The following ZNF561 variants were observed in gnomAD, a reference collection of about 807,000 sequenced individuals.
ZNF561 encodes zinc finger protein 561.
Under a neutral mutation model 16.7 loss-of-function variants are expected in ZNF561, and 16 were observed. That is an observed-to-expected ratio of 0.96 (90% CI 0.65 to 1.45). The LOEUF is 1.45. ZNF561 is among the 40% of genes most tolerant of loss of function. The pLI, the probability that ZNF561 is intolerant of heterozygous loss-of-function variation, is 0.00. For missense variants in ZNF561, 580 were observed against 578.0 expected, an observed-to-expected ratio of 1.00 and a Z score of -0.04; for synonymous variants, 190 against 192.1, an observed-to-expected ratio of 0.99 and a Z score of 0.09.
At chr19:9,617,827 C>T in intron 3 of ZNF561, 1 of 526,254 alleles carries the variant, frequency 1.9e-6, no homozygotes. Flanking sequence ...TCCGTCACCG[C>T]ACCCAGCAAT....
chr19:9,611,089 A>G lies in ZNF561; in HGVS notation c.572T>C (p.Leu191Pro). ...TPGLAVHLEV[L>P]NARQPYKCKE... ...ACATTTGTAGGGTTGTCTTGCATTG[A>G]GAACTTCAAGATGTACAGCAAGACC... The change falls in exon 6 of 6, where the codon CTC becomes CCC. Residue 191 changes from leucine to proline, a missense_variant. Coordinates refer to ENST00000302851, the MANE Select transcript of ZNF561 (RefSeq NM_152289.3). The G allele has an allele frequency of 6.2e-7, 1 of 1,614,184 alleles. No homozygotes were observed. The highest frequency in any genetic ancestry group is 8.5e-7 in the Non-Finnish European group (1 of 1,180,012).
In ZNF561 at chr19:9,619,921, C is replaced by CTATCTATCTATCTATCTAT. The variant is rs1555692401; in HGVS notation, c.-126-340_-126-339insATAGATAGATAGATAGATA. Among the ~76,000 whole-genome samples, 10 of 116,142 alleles carry CTATCTATCTATCTATCTAT rather than the reference C, an allele frequency of 8.6e-5. 1 individual carries two copies. Among genetic ancestry groups the CTATCTATCTATCTATCTAT allele is most frequent in the Admixed American group, 2.5e-4 (3 of 11,780 alleles). The allele number at this position is 116,142 out of a possible 152,430, so 76.2% of individuals were successfully genotyped here. On this transcript the variant is annotated intron_variant, in intron 1 of 5. Transcript: ENST00000302851. Reference sequence around the variant, plus strand: ...TCTATATCTATCTATCTATATCTATCCTATCTATCTATCTATCTATCTATC... The same window carrying CTATCTATCTATCTATCTAT: ...TCTATATCTATCTATCTATATCTATCTATCTATCTATCTATCTATCTATCTATCTATCTATCTATCTATC...
intron 1 of ZNF561, among the ~76,000 whole-genome samples, chr19:9,620,546 G>GA (rs1436148886): frequency 4.6e-5 from 7 of 151,872 alleles, no homozygotes; most frequent in African/African-American, 1.5e-4. Context: ...ATTTAATACT[G>GA]AAAAAAACCT....
chr19:9,610,246 G>A lies in ZNF561; in HGVS notation c.1415C>T (p.Thr472Ile). The A allele has an allele frequency of 6.2e-7, 1 of 1,612,426 alleles. No homozygotes were observed. The highest frequency in any genetic ancestry group is 8.5e-7 in the Non-Finnish European group (1 of 1,179,038). ...SRLSRHERIH[T>I]GEKPYECKDM... Reference sequence around the variant, plus strand: ...CTTGCATTCATAGGGTTTCTCCCCAGTGTGAATTCTTTCATGTCTACTTAG... The same window carrying A: ...CTTGCATTCATAGGGTTTCTCCCCAATGTGAATTCTTTCATGTCTACTTAG... Residue 472 changes from threonine (T) to isoleucine (I), a missense_variant, in exon 6 of 6, where the codon ACT becomes ATT. Physicochemically the swap from Thr to Ile is moderately conservative, Grantham distance 89. Coordinates refer to ENST00000302851, the MANE Select transcript of ZNF561 (RefSeq NM_152289.3).
At position 9,607,758 on chromosome 19, in the gene ZNF561, T is replaced by G. The variant is rs746550504; in HGVS notation, c.*2442A>C. 5.9e-5 allele frequency: 9 copies of G among 152,200 alleles called. No individual in the cohort carries two copies. Among genetic ancestry groups the G allele is most frequent in the African/African-American group, 1.2e-4 (5 of 41,460 alleles). The allele number at this position is 152,200 out of a possible 1,614,324, so 9.4% of individuals were successfully genotyped here. A position where few individuals can be genotyped will look rare whatever the true frequency, so the allele number is the denominator to read the frequency against. On this transcript the variant is annotated 3_prime_UTR_variant, in exon 6 of 6. Coordinates refer to ENST00000302851, the MANE Select transcript of ZNF561 (RefSeq NM_152289.3). ...AGTCATTATTTACAGATTATGTGATTGTCTATGTGGAAACGGAAAAGAATC... is the reference window on the plus strand; with the variant it reads ...AGTCATTATTTACAGATTATGTGATGGTCTATGTGGAAACGGAAAAGAATC...
rs1277547215 is a variant in ZNF561, at chr19:9,609,329, C to T, written c.*871G>A. The T allele has an allele frequency of 6.6e-6, 1 of 152,154 alleles. No individual in the cohort carries two copies. The highest frequency in any genetic ancestry group is 1.5e-5 in the Non-Finnish European group (1 of 68,032). The allele number at this position is 152,154 out of a possible 1,614,324, so 9.4% of individuals were successfully genotyped here. A position where few individuals can be genotyped will look rare whatever the true frequency, so the allele number is the denominator to read the frequency against. ...TATTTCTGTGTCTTTGTCTTAATTC[C>T]TCTAGAGCTGCTGGGTCAGGGTCTC... On this transcript the variant is annotated 3_prime_UTR_variant, in exon 6 of 6. Transcript: ENST00000302851.
intron 2 of ZNF561, 150 bp downstream of exon 2, chr19:9,619,282 T>A (rs1023155900): frequency 6.0e-6 from 3 of 496,962 alleles, no homozygotes; most frequent in Admixed American, 6.9e-5. Flanking sequence ...AATAAATAAA[T>A]AATAAAACAG....
chr19:9,620,483 C>T (rs192591612), intron 1 of ZNF561, among the ~76,000 whole-genome samples: 24 of 152,270 alleles, frequency 1.6e-4, no homozygotes, highest in Middle Eastern at 3.4e-3. Context: ...GACTTGGCCT[C>T]CCAAAGTGCT....
Position 9,609,631 on chromosome 19 carries a change from T to G in ZNF561, c.*569A>C, listed in dbSNP as rs1284566757. ...CTAGAAGAGACATTGCCACTTACAT[T>G]GTGCCATCTAAAATAGACATACAAG... is the stretch of plus-strand genomic sequence containing the variant. On this transcript the variant is annotated 3_prime_UTR_variant, in exon 6 of 6. Transcript: ENST00000302851. 2 of 152,930 alleles carry G rather than the reference T, an allele frequency of 1.3e-5. No homozygotes were observed. Among genetic ancestry groups the G allele is most frequent in the Non-Finnish European group, 2.9e-5 (2 of 68,576 alleles). The allele number at this position is 152,930 out of a possible 1,614,324, so 9.5% of individuals were successfully genotyped here.
At chr19:9,614,395 G>C (rs533218676) in intron 4 of ZNF561, 16 of 288,386 alleles carry the variant, frequency 5.5e-5, no homozygotes, top group African/African-American at 2.6e-4. Context: ...GATCACTTGA[G>C]GTCAGGAGTT....
chr19:9,610,032 G>C lies in ZNF561; in HGVS notation c.*168C>G. 1 of 625,414 alleles carries C rather than the reference G, an allele frequency of 1.6e-6. No homozygotes were observed. Among genetic ancestry groups the C allele is most frequent in the South Asian group, 2.4e-5 (1 of 41,632 alleles). 38.7% of individuals were successfully genotyped at this position (625,414 alleles called of 1,614,324 possible). On this transcript the variant is annotated 3_prime_UTR_variant, in exon 6 of 6. Transcript: ENST00000302851. ...CATGACCCTTCTTCACAGATGCCCA[G>C]ACTCAGGCAACCATGATGTTGTATT...
At position 9,611,002 on chromosome 19, in the gene ZNF561, G is replaced by T. The variant is rs760478679; in HGVS notation, c.659C>A (p.Thr220Asn). ...ASLDNHMGIHTDEKLCEFQEY... is the reference protein window; with the variant it reads ...ASLDNHMGIHNDEKLCEFQEY... ...CTGAAATTCACAGAGTTTCTCATCA[G>T]TGTGGATTCCCATATGATTATCAAG... Residue 220 changes from threonine (T) to asparagine (N), a missense_variant, in exon 6 of 6, where the codon ACT becomes AAT. Transcript: ENST00000302851. 5.0e-6 allele frequency: 8 copies of T among 1,614,008 alleles called. No homozygotes were observed. The Admixed American group carries it at 1.3e-4, about 27-fold the overall frequency.
Position 9,612,225 on chromosome 19 carries a change from A to C in ZNF561, c.325-889T>G, listed in dbSNP as rs986013283. ...TTACAGGGGTGAGCCACCATGCCCCACCTCAGTTTATTTATTTTTGAGATG... is the reference window on the plus strand; with the variant it reads ...TTACAGGGGTGAGCCACCATGCCCCCCCTCAGTTTATTTATTTTTGAGATG... On this transcript the variant is annotated intron_variant, in intron 5 of 5. Transcript: ENST00000302851. 2.7e-5 allele frequency among the ~76,000 whole-genome samples: 4 copies of C among 149,054 alleles called. No individual in the cohort carries two copies. In the South Asian group the frequency reaches 6.4e-4, roughly 24 times the overall value.
At chr19:9,616,151 A>T (rs1423669625) in intron 4 of ZNF561, among the ~76,000 whole-genome samples, 1 of 152,236 alleles carries the variant, frequency 6.6e-6, no homozygotes, top group Non-Finnish European at 1.5e-5. Flanking sequence ...ATTAAAACAT[A>T]CTACAGCAGG....
Position 9,617,135 on chromosome 19 carries a change from T to C in ZNF561, c.151A>G (p.Thr51Ala). The change falls in exon 4 of 6, where the codon ACC (threonine) becomes GCC (alanine). Residue 51 changes from threonine to alanine, a missense_variant. Physicochemically the swap from Thr to Ala is moderately conservative, Grantham distance 58. Transcript: ENST00000302851. Reference protein sequence around the residue: ...VTFDDVAVDFTPEEWALLDTT... With the variant: ...VTFDDVAVDFAPEEWALLDTT... Reference sequence around the variant, plus strand: ...TCCAGTAAAGCCCACTCCTCTGGGGTGAAGTCCACAGCCACATCATCAAAC... The same window carrying C: ...TCCAGTAAAGCCCACTCCTCTGGGGCGAAGTCCACAGCCACATCATCAAAC... 1 of 1,612,852 alleles carries C rather than the reference T, an allele frequency of 6.2e-7. No homozygotes were observed. Among genetic ancestry groups the C allele is most frequent in the South Asian group, 1.1e-5 (1 of 90,870 alleles).
Position 9,617,054 on chromosome 19 carries a change from C to A in ZNF561, c.232G>T (p.Ala78Ser), listed in dbSNP as rs748294529. ...DVMLENYMNL[A>S]SVEWEIQPRT... ...GTGATGTTACTCTTACCCACAGAGG[C>A]CAGGTTCATGTAGTTCTCCAGCATC... Residue 78 changes from alanine (A) to serine (S), a missense_variant, in exon 4 of 6, where the codon GCC becomes TCC. Coordinates refer to ENST00000302851, the MANE Select transcript of ZNF561 (RefSeq NM_152289.3). 6.2e-7 allele frequency: 1 copy of A among 1,611,582 alleles called. No homozygotes were observed. The highest frequency in any genetic ancestry group is 8.5e-7 in the Non-Finnish European group (1 of 1,178,394).
chr19:9,613,796 T>C (rs1201050516), intron 5 of ZNF561, among the ~76,000 whole-genome samples: 1 of 152,146 alleles, frequency 6.6e-6, no homozygotes, highest in African/African-American at 2.4e-5. Flanking sequence ...GGATTACAGG[T>C]GTGAGTCACC....
At position 9,610,357 on chromosome 19, in the gene ZNF561, C is replaced by G. The variant is rs146973589; in HGVS notation, c.1304G>C (p.Arg435Pro). 3 of 1,614,138 alleles carry G rather than the reference C, an allele frequency of 1.9e-6. No homozygotes were observed. The highest frequency in any genetic ancestry group is 2.5e-6 in the Non-Finnish European group (3 of 1,180,016). The change falls in exon 6 of 6, where the codon CGC becomes CCC. Residue 435 changes from arginine to proline, a missense_variant. Coordinates refer to ENST00000302851, the MANE Select transcript of ZNF561 (RefSeq NM_152289.3). ...ICGKAFLYSS[R>P]LNVHLRTHTG... The stretch of plus-strand genomic sequence containing the variant: ...ATGAGTTCGCAGGTGAACATTAAGG[C>G]GTGAGGAATATAGAAATGCTTTCCC...
At position 9,610,188 on chromosome 19, in the gene ZNF561, G is replaced by A; in HGVS notation, c.*12C>T. 3.2e-6 allele frequency: 5 copies of A among 1,543,694 alleles called. No individual in the cohort carries two copies. The highest frequency in any genetic ancestry group is 4.4e-6 in the Non-Finnish European group (5 of 1,147,300). ...GTGTCATTGCCAATAATTAAAGATG[G>A]CAACCGATGGGCTAAATGGTAACAC... On this transcript the variant is annotated 3_prime_UTR_variant, in exon 6 of 6. Transcript: ENST00000302851.
Sources: allele counts gnomAD v4.1 joint callset (sites outside exome capture counted in the v4.1 genomes callset), GRCh38; gene constraint gnomAD v4.1.1; transcripts MANE v1.5; gene names NCBI Gene and HGNC (gene_info 2026-07-23, HGNC 2026-07-21).